Variants in RNF150 observed in about 807,000 individuals in gnomAD.
RNF150 encodes ring finger protein 150.
A neutral mutation model predicts 39.3 loss-of-function variants in RNF150; 24 were observed. That is an observed-to-expected ratio of 0.61 (90% CI 0.44 to 0.86). RNF150 has a LOEUF of 0.86. Ranked by LOEUF, RNF150 falls within the 40% of genes least tolerant of loss-of-function variation. RNF150 has a pLI of 0.00. For synonymous variants in RNF150, 255 were observed against 227.3 expected, an observed-to-expected ratio of 1.12 and a Z score of -1.10; for missense variants, 502 against 587.8, an observed-to-expected ratio of 0.85 and a Z score of 1.51.
At chr4:141,024,253 CCTT>C (rs1735607292) in intron 1 of RNF150, among the ~76,000 whole-genome samples, 1 of 152,060 alleles carries the variant, frequency 6.6e-6, no homozygotes, top group Admixed American at 6.6e-5. Flanking sequence ...AGGAAAAACT[CCTT>C]CTATCATGGA....
chr4:141,211,148 T>TTTGGA (rs1728457958), intron 1 of RNF150, among the ~76,000 whole-genome samples: 1 of 152,210 alleles, frequency 6.6e-6, no homozygotes, highest in African/African-American at 2.4e-5. Flanking sequence ...GTTACATATA[T>TTTGGA]TTGGATGCAT....
intron 6 of RNF150, among the ~76,000 whole-genome samples, chr4:140,889,662 T>C (rs191907824): frequency 6.6e-6 from 1 of 152,346 alleles, no homozygotes; most frequent in Non-Finnish European, 1.5e-5. Flanking sequence ...TCTCCATCAC[T>C]AAGTGTCAAT....
At chr4:141,103,721 T>G (rs976197151) in intron 1 of RNF150, among the ~76,000 whole-genome samples, 6 of 152,206 alleles carry the variant, frequency 3.9e-5, no homozygotes, top group East Asian at 1.9e-4. Flanking sequence ...CCTCTGAATT[T>G]TTTTTGAACT....
rs544689993 is a variant in RNF150 at position 141,116,544 on chromosome 4, A to T, written c.484+15781T>A. On this transcript the variant is annotated intron_variant, in intron 1 of 6. Coordinates refer to ENST00000515673, the MANE Select transcript of RNF150 (RefSeq NM_020724.2). ...GGAATGCTTTTACACTGTTGGTGGGAGTGTAAATTAGTTCAACCATTGTAG... is the reference window on the plus strand; with the variant it reads ...GGAATGCTTTTACACTGTTGGTGGGTGTGTAAATTAGTTCAACCATTGTAG... Among the ~76,000 whole-genome samples the T allele has an allele frequency of 1.2e-3, 187 of 152,318 alleles. 1 individual carries two copies. Among genetic ancestry groups the T allele is most frequent in the Admixed American group, 0.011 (174 of 15,296 alleles).
chr4:141,000,012 AAG>A (rs1734566637), intron 1 of RNF150, among the ~76,000 whole-genome samples: 1 of 27,598 alleles, frequency 3.6e-5, no homozygotes, highest in Non-Finnish European at 8.7e-5. Context: ...GAAGAAGAAG[AAG>A]AAGAAGAAGA....
intron 1 of RNF150, among the ~76,000 whole-genome samples, chr4:141,012,128 A>T (rs1735096604): frequency 6.6e-6 from 1 of 152,256 alleles, no homozygotes; most frequent in Admixed American, 6.5e-5. Context: ...CTTTTCTTTC[A>T]AAAAGCCACA....
chr4:140,916,021 C>T (rs1730810951), intron 5 of RNF150, among the ~76,000 whole-genome samples: 2 of 152,148 alleles, frequency 1.3e-5, no homozygotes, highest in African/African-American at 4.8e-5. Flanking sequence ...ACAGAAAGGA[C>T]ATCCACACCA....
chr4:141,042,051 G>A (rs1736393982), intron 1 of RNF150, among the ~76,000 whole-genome samples: 1 of 151,996 alleles, frequency 6.6e-6, no homozygotes, highest in African/African-American at 2.4e-5. Context: ...AAAAGTTGAT[G>A]ATTCAAGAAT....
intron 1 of RNF150, among the ~76,000 whole-genome samples, chr4:141,180,210 G>T (rs779954770): frequency 6.6e-6 from 1 of 152,136 alleles, no homozygotes; most frequent in Admixed American, 6.6e-5. Flanking sequence ...TTCTTCCCAC[G>T]TGGCTGTTGG....
At chr4:140,937,414 C>A (rs1176364267) in intron 4 of RNF150, among the ~76,000 whole-genome samples, 3 of 152,210 alleles carry the variant, frequency 2.0e-5, no homozygotes, top group Middle Eastern at 3.4e-3. Flanking sequence ...GCACCCGGCA[C>A]AACGCCCATC....
chr4:140,974,440 T>G (rs1290618083), intron 1 of RNF150, among the ~76,000 whole-genome samples: 2 of 152,194 alleles, frequency 1.3e-5, no homozygotes, highest in Non-Finnish European at 2.9e-5. Context: ...TGCCAGTTTT[T>G]GGATATTACA....
intron 6 of RNF150, among the ~76,000 whole-genome samples, chr4:140,882,972 C>T (rs575647792): frequency 1.3e-5 from 2 of 151,132 alleles, no homozygotes; most frequent in African/African-American, 4.9e-5. Flanking sequence ...TCTCTTTTTC[C>T]CTCTCTTGCT....
intron 1 of RNF150, among the ~76,000 whole-genome samples, chr4:140,993,968 T>A (rs1579035389): frequency 1.3e-5 from 2 of 152,152 alleles, no homozygotes; most frequent in African/African-American, 4.8e-5. Flanking sequence ...CGTTTGTGGG[T>A]GTTGTTGACA....
chr4:140,948,700 A>G (rs1052339907), intron 3 of RNF150, among the ~76,000 whole-genome samples: 1 of 152,210 alleles, frequency 6.6e-6, no homozygotes, highest in African/African-American at 2.4e-5. Flanking sequence ...TTGGCCTCCC[A>G]AAGTGCTGGG....
chr4:140,938,973 G>C (rs933418541), intron 4 of RNF150, among the ~76,000 whole-genome samples: 1 of 152,128 alleles, frequency 6.6e-6, no homozygotes, highest in Non-Finnish European at 1.5e-5. Flanking sequence ...GTCAATTCTC[G>C]ACACATGGTA....
intron 1 of RNF150, among the ~76,000 whole-genome samples, chr4:141,201,227 T>C (rs534279802): frequency 4.6e-5 from 7 of 152,308 alleles, no homozygotes; most frequent in South Asian, 2.1e-4. Flanking sequence ...CTGGCCCAAA[T>C]TGATATACAA....
chr4:140,964,587 A>T (rs541557095), intron 2 of RNF150, among the ~76,000 whole-genome samples: 25 of 152,138 alleles, frequency 1.6e-4, no homozygotes, highest in Admixed American at 4.6e-4. Flanking sequence ...TACAAGATTA[A>T]TAAATGCTGA....
chr4:140,920,307 C>T (rs1578966511), intron 5 of RNF150, among the ~76,000 whole-genome samples: 1 of 137,836 alleles, frequency 7.3e-6, no homozygotes, highest in Non-Finnish European at 1.6e-5. Context: ...GGGCTAATAT[C>T]CAGAATCTAC....
At chr4:141,048,623 G>T (rs369076369) in intron 1 of RNF150, among the ~76,000 whole-genome samples, 2 of 152,022 alleles carry the variant, frequency 1.3e-5, no homozygotes, top group African/African-American at 4.8e-5. Context: ...GTCCTGACTA[G>T]TTGGGAGGCT....
Sources: gnomAD v4.1 joint callset for allele counts (sites outside exome capture counted in the v4.1 genomes callset) on GRCh38, gnomAD v4.1.1 for gene constraint, MANE v1.5 for transcripts, NCBI Gene and HGNC (gene_info 2026-07-23, HGNC 2026-07-21) for gene names.